Variants in SAAL1 observed in about 807,000 individuals in gnomAD.
The protein encoded by SAAL1 is protein SAAL1.
A neutral mutation model predicts 59.8 loss-of-function variants in SAAL1; 42 were observed. The ratio of observed to expected loss-of-function variants is 0.70; its 90% CI spans 0.55 to 0.91. The LOEUF is 0.91. Among genes scored for constraint, SAAL1 ranks in the 40% least tolerant of loss-of-function variants. The pLI, the probability that SAAL1 is intolerant of heterozygous loss-of-function variation, is 0.00. For missense variants in SAAL1, 542 were observed against 561.1 expected (o/e 0.97, Z 0.34); for synonymous variants, 191 against 194.3 (o/e 0.98, Z 0.14).
chr11:18,088,887 A>C (rs61882523), intron 7 of SAAL1, among the ~76,000 whole-genome samples: 8,033 of 152,304 alleles, frequency 0.053, 252 homozygotes, highest in Middle Eastern at 0.13. Context: ...GATTAGCAAT[A>C]AACAGTTTTA....
intron 1 of SAAL1, 50 bp from the exon 2 acceptor site, chr11:18,103,396 T>A (rs1396702119): frequency 3.7e-6 from 5 of 1,334,284 alleles, no homozygotes; most frequent in East Asian, 4.6e-5. Flanking sequence ...TCTACAATAC[T>A]AACCAGGTAC....
intron 1 of SAAL1, 82 bp downstream of exon 1, chr11:18,105,825 G>A (rs961278880): frequency 7.7e-6 from 11 of 1,437,302 alleles, no homozygotes; most frequent in Non-Finnish European, 9.1e-6. Context: ...GGCGGCTCCC[G>A]GGGCAGGAGG....
intron 3 of SAAL1, among the ~76,000 whole-genome samples, chr11:18,093,048 GT>G (rs1848538414): frequency 1.3e-5 from 2 of 152,216 alleles, no homozygotes; most frequent in East Asian, 3.9e-4. Flanking sequence ...ATCTTGCACC[GT>G]CTCACCCAGG....
Position 18,090,217 on chromosome 11 carries a change from T to G in SAAL1, c.547A>C (p.Ile183Leu). 2 of 1,606,756 alleles carry G rather than the reference T, an allele frequency of 1.2e-6. No individual in the cohort carries two copies. The highest frequency in any genetic ancestry group is 1.7e-6 in the Non-Finnish European group (2 of 1,178,180). Residue 183 changes from isoleucine to leucine, a missense_variant, in exon 6 of 12, where the codon ATT (isoleucine) becomes CTT (leucine). Transcript: ENST00000524803. ...ATAATGAAGCAAATGCTATCATAAA[T>G]AGCTGGATGTTCCTGGATCCTTTCA... ...WVERIQEHPAIYDSICFIMSS... is the reference protein window; with the variant it reads ...WVERIQEHPALYDSICFIMSS...
rs372571409 is a variant in SAAL1 at position 18,089,289 on chromosome 11, T to C, written c.770+41A>G. 1.2e-4 allele frequency: 171 copies of C among 1,485,698 alleles called. 1 individual carries two copies. The African/African-American group carries it at 2.3e-3, about 20-fold the overall frequency. The allele number at this position is 1,485,698 out of a possible 1,614,324, so 92.0% of individuals were successfully genotyped here. A position where few individuals can be genotyped will look rare whatever the true frequency, so the allele number is the denominator to read the frequency against. ...TATATCTGAGAATACTTCTAGCAAT[T>C]GCATTTTCCCAGAACATTTTACACA... is the stretch of plus-strand genomic sequence containing the variant. On this transcript the variant is annotated intron_variant, in intron 7 of 11. Coordinates refer to ENST00000524803, the MANE Select transcript of SAAL1 (RefSeq NM_138421.3).
intron 1 of SAAL1, among the ~76,000 whole-genome samples, chr11:18,103,868 T>C (rs903438133): frequency 2.0e-5 from 3 of 152,250 alleles, no homozygotes; most frequent in African/African-American, 7.2e-5. Flanking sequence ...GTTTTTGGAC[T>C]GTACAGTAGT....
chr11:18,083,736 A>T lies in SAAL1; in HGVS notation c.1043-5T>A, dbSNP rs1229799909. On this transcript the variant is annotated splice_polypyrimidine_tract_variant and splice_region_variant and intron_variant, in intron 9 of 11. Transcript: ENST00000524803. The stretch of plus-strand genomic sequence containing the variant: ...TGTCAATTAGAGGAAGATCTACTGT[A>T]TAAACAAATCAAGAAGCATGGAATT... The T allele has an allele frequency of 6.3e-7, 1 of 1,579,044 alleles. No homozygotes were observed. The highest frequency in any genetic ancestry group is 8.6e-7 in the Non-Finnish European group (1 of 1,162,018).
rs2134068697 is a variant in SAAL1, at chr11:18,106,018, C to CGGT, written c.23_24insACC (p.Pro10dup). ...CCTCCTCCTTGTCGCGACCCGGCGG[C>CGGT]GGCGGCGAGGGGTTGCGGTCCATGA... On this transcript the variant is annotated inframe_insertion, in exon 1 of 12. Transcript: ENST00000524803. The CGGT allele has an allele frequency of 6.2e-7, 1 of 1,608,816 alleles. No homozygotes were observed.
chr11:18,100,017 C>T (rs1445552608), intron 2 of SAAL1, among the ~76,000 whole-genome samples: 1 of 152,224 alleles, frequency 6.6e-6, no homozygotes, highest in Non-Finnish European at 1.5e-5. Flanking sequence ...TGACTTTGCC[C>T]TGCACCAATA....
chr11:18,082,430 C>A (rs1848420786), intron 10 of SAAL1, among the ~76,000 whole-genome samples: 1 of 150,776 alleles, frequency 6.6e-6, no homozygotes, highest in Non-Finnish European at 1.5e-5. Flanking sequence ...CAAGTAAAAC[C>A]AACATTTTCA....
At position 18,080,422 on chromosome 11, in the gene SAAL1, G is replaced by T; in HGVS notation, c.1402C>A (p.Pro468Thr). 6.3e-7 allele frequency: 1 copy of T among 1,594,184 alleles called. No homozygotes were observed. The change falls in exon 12 of 12, where the codon CCA becomes ACA. Residue 468 changes from proline (P) to threonine (T), a missense_variant. Pro to Thr is a conservative substitution (Grantham distance 38). Transcript: ENST00000524803. ...TTTTAAGTCTGAACCTTCAAACTTGGGAAGTTTTTTTCCAAGTCATCAGCA... is the reference window on the plus strand; with the variant it reads ...TTTTAAGTCTGAACCTTCAAACTTGTGAAGTTTTTTTCCAAGTCATCAGCA... Reference protein sequence around the residue: ...ALADDLEKNFPSLKVQT With the variant: ...ALADDLEKNFTSLKVQT
chr11:18,081,531 A>G (rs1406314221), intron 10 of SAAL1, 28 bp from the exon 11 acceptor site: 6 of 1,586,010 alleles, frequency 3.8e-6, no homozygotes, highest in South Asian at 1.1e-5. Flanking sequence ...TTTAATGTCA[A>G]AAAAGGAAAA....
intron 7 of SAAL1, among the ~76,000 whole-genome samples, chr11:18,087,908 G>T (rs1289353257): frequency 6.6e-6 from 1 of 152,172 alleles, no homozygotes; most frequent in African/African-American, 2.4e-5. Context: ...TACTCTAAAA[G>T]GAAAGAAGAT....
At position 18,083,558 on chromosome 11, in the gene SAAL1, T is replaced by C. The variant is rs1364165584; in HGVS notation, c.1216A>G (p.Asn406Asp). The change falls in exon 10 of 12, where the codon AAT becomes GAT. Residue 406 changes from asparagine (N) to aspartate (D), a missense_variant. Asn to Asp is a conservative substitution (Grantham distance 23, BLOSUM62 1). Transcript: ENST00000524803. ...ACCTTTGTTAATGCCTGAAAAATAT[T>C]AGAAAGAAATTCACATAAAATATCC... Reference protein sequence around the residue: ...LKDILCEFLSNIFQALTKETV... With the variant: ...LKDILCEFLSDIFQALTKETV... 1.3e-6 allele frequency: 2 copies of C among 1,582,818 alleles called. No homozygotes were observed. The highest frequency in any genetic ancestry group is 2.2e-5 in the South Asian group (2 of 89,100).
chr11:18,094,823 C>A (rs1848555696), intron 3 of SAAL1, among the ~76,000 whole-genome samples: 2 of 152,056 alleles, frequency 1.3e-5, no homozygotes, highest in Admixed American at 6.6e-5. Context: ...CAGAAAAAAA[C>A]CACATACATT....
chr11:18,102,212 G>A lies in SAAL1; in HGVS notation c.249+1021C>T, dbSNP rs117225897. 2.1e-4 allele frequency among the ~76,000 whole-genome samples: 32 copies of A among 152,146 alleles called. No homozygotes were observed. The East Asian group carries it at 5.0e-3, about 24-fold the overall frequency. ...AGGTCAGCAGTTCAAGACCAGCCTC[G>A]CCAACAGGGTAAAACCCTGTCTCCA... On this transcript the variant is annotated intron_variant, in intron 2 of 11. Coordinates refer to ENST00000524803, the MANE Select transcript of SAAL1 (RefSeq NM_138421.3).
At chr11:18,097,963 T>C (rs113238261) in intron 2 of SAAL1, among the ~76,000 whole-genome samples, 7,973 of 151,880 alleles carry the variant, frequency 0.052, 685 homozygotes, top group African/African-American at 0.18. Context: ...TAGGCAAACA[T>C]AGTGAAACGC....
intron 9 of SAAL1, among the ~76,000 whole-genome samples, chr11:18,085,559 T>C (rs1461345640): frequency 2.6e-5 from 4 of 152,176 alleles, no homozygotes; most frequent in Admixed American, 6.5e-5. Flanking sequence ...GTTAACACGA[T>C]GTCAACAAAA....
Position 18,081,499 on chromosome 11 carries a change from G to A in SAAL1, c.1244C>T (p.Thr415Met), listed in dbSNP as rs1053424602. Residue 415 changes from threonine to methionine, a missense_variant, in exon 11 of 12, where the codon ACG (threonine) becomes ATG (methionine). Physicochemically the swap from Thr to Met is moderately conservative, Grantham distance 81. Coordinates refer to ENST00000524803, the MANE Select transcript of SAAL1 (RefSeq NM_138421.3). ...GCCTTCCTTTACTCCCTGAGCCACC[G>A]TCTCCTAAAACAACAACAAGATTTA... ...SNIFQALTKE[T>M]VAQGVKEGQL... 6.2e-6 allele frequency: 10 copies of A among 1,613,418 alleles called. No homozygotes were observed. Among genetic ancestry groups the A allele is most frequent in the Admixed American group, 1.7e-5 (1 of 59,980 alleles).
Sources: gnomAD v4.1 joint callset for allele counts (sites outside exome capture counted in the v4.1 genomes callset) on GRCh38, gnomAD v4.1.1 for gene constraint, MANE v1.5 for transcripts, NCBI Gene and HGNC (gene_info 2026-07-23, HGNC 2026-07-21) for gene names.